The following WDR41 variants were observed in gnomAD, a reference collection of about 807,000 sequenced individuals.
The protein encoded by WDR41 is WD repeat-containing protein 41.
Under a neutral mutation model 69.3 loss-of-function variants are expected in WDR41, and 63 were observed. The ratio of observed to expected loss-of-function variants is 0.91; its 90% CI spans 0.74 to 1.12. The LOEUF (loss-of-function observed/expected upper bound fraction) is 1.12, where lower values mean the gene tolerates loss of function less well. Among genes scored for constraint, WDR41 ranks in the 50% most tolerant of loss-of-function variants. The probability of loss-of-function intolerance (pLI) is 0.00; values close to 1 mark genes in which losing one functional copy is unlikely to be tolerated. For missense variants in WDR41, 543 were observed against 534.5 expected, an observed-to-expected ratio of 1.02 and a Z score of -0.16; for synonymous variants, 185 against 192.1, an observed-to-expected ratio of 0.96 and a Z score of 0.31.
intron 1 of WDR41, among the ~76,000 whole-genome samples, chr5:77,551,273 T>C (rs1265891487): frequency 6.6e-6 from 1 of 152,206 alleles, no homozygotes; most frequent in Non-Finnish European, 1.5e-5. Flanking sequence ...GTCCTAAGGA[T>C]TTTGTATGTT....
At chr5:77,433,550 C>CATA (rs1798811345) in intron 12 of WDR41, among the ~76,000 whole-genome samples, 1 of 152,092 alleles carries the variant, frequency 6.6e-6, no homozygotes, top group Non-Finnish European at 1.5e-5. Context: ...CAGATTTTTT[C>CATA]ATCATCTGAT....
intron 1 of WDR41, among the ~76,000 whole-genome samples, chr5:77,531,546 G>A (rs1802528979): frequency 6.6e-6 from 1 of 151,836 alleles, no homozygotes; most frequent in Non-Finnish European, 1.5e-5. Flanking sequence ...TTGTACATTG[G>A]TAGTGGGAAT....
intron 1 of WDR41, among the ~76,000 whole-genome samples, chr5:77,565,164 G>C (rs1013023383): frequency 6.6e-6 from 1 of 152,060 alleles, no homozygotes; most frequent in Non-Finnish European, 1.5e-5. Context: ...AGAAGACTTG[G>C]GGGATAAAGC....
chr5:77,557,571 G>T (rs7726382), intron 1 of WDR41, among the ~76,000 whole-genome samples: 15,747 of 152,096 alleles, frequency 0.1, 1,702 homozygotes, highest in East Asian at 0.25. Context: ...AAATGTTAGC[G>T]TGAGCCACTA....
chr5:77,539,333 A>C (rs1290383948), intron 1 of WDR41, among the ~76,000 whole-genome samples: 3 of 152,186 alleles, frequency 2.0e-5, no homozygotes, highest in Non-Finnish European at 4.4e-5. Context: ...TTCCCTAATC[A>C]AGTTAATCTG....
rs550088120 is a variant in WDR41, at chr5:77,558,305, G to T, written c.42+62174C>A. ...TTTAGTGTCTTATGAGCTTTTCCTT[G>T]TGCATGAGTAAAAATCTAAGAAAAA... On this transcript the variant is annotated intron_variant, in intron 1 of 5. Coordinates refer to the WDR41 transcript ENST00000509971. Among the ~76,000 whole-genome samples, 4 of 152,054 alleles carry T rather than the reference G, an allele frequency of 2.6e-5. No homozygotes were observed. In the South Asian group the frequency reaches 8.3e-4, roughly 32 times the overall value.
At chr5:77,471,953 G>A (rs144095089) in intron 2 of WDR41, among the ~76,000 whole-genome samples, 2,460 of 152,164 alleles carry the variant, frequency 0.016, 33 homozygotes, top group Middle Eastern at 0.054. Flanking sequence ...TACCAAAGCC[G>A]GGCAGAGACA....
chr5:77,572,183 G>A (rs1242434182), intron 1 of WDR41, among the ~76,000 whole-genome samples: 17 of 152,180 alleles, frequency 1.1e-4, no homozygotes, highest in Non-Finnish European at 4.4e-5. Context: ...TGCTTGTACA[G>A]CACTTTGGAA....
chr5:77,566,839 G>A (rs1482943891), intron 1 of WDR41, among the ~76,000 whole-genome samples: 3 of 152,230 alleles, frequency 2.0e-5, no homozygotes, highest in East Asian at 3.9e-4. Context: ...CTGGGCCTGG[G>A]GGTCTGGTTT....
intron 12 of WDR41, among the ~76,000 whole-genome samples, chr5:77,434,643 TAC>T (rs547871333): frequency 3.3e-5 from 5 of 149,532 alleles, no homozygotes; most frequent in Admixed American, 2.0e-4. Flanking sequence ...AGGCGGAGAG[TAC>T]AGTGACCCAA....
Position 77,437,312 on chromosome 5 carries a change from AC to A in WDR41, c.1093+23del, listed in dbSNP as rs769785853. 4.4e-6 allele frequency: 7 copies of A among 1,598,142 alleles called. No individual in the cohort carries two copies. The South Asian group carries it at 7.7e-5, about 18-fold the overall frequency. ...TGAGAAAAAAGGAGAGAAAAAGACT[AC>A]CTTTTTGAGAGAAGACACACACCTG... On this transcript the variant is annotated intron_variant, in intron 11 of 12. Coordinates refer to ENST00000296679, the MANE Select transcript of WDR41 (RefSeq NM_018268.4).
At chr5:77,469,113 C>A (rs947273631) in intron 2 of WDR41, among the ~76,000 whole-genome samples, 1 of 152,066 alleles carries the variant, frequency 6.6e-6, no homozygotes, top group East Asian at 1.9e-4. Flanking sequence ...AAACTGGAAA[C>A]CATCATTCTC....
intron 2 of WDR41, among the ~76,000 whole-genome samples, chr5:77,479,911 C>T (rs1238661150): frequency 5.5e-4 from 83 of 151,734 alleles, no homozygotes; most frequent in African/African-American, 1.7e-3. Flanking sequence ...AGAAAATTTT[C>T]GCAACCTACT....
chr5:77,454,037 A>G, intron 5 of WDR41, 109 bp from the exon 6 acceptor site: 2 of 783,290 alleles, frequency 2.6e-6, no homozygotes, highest in South Asian at 1.6e-5. Context: ...CACTAGGTGG[A>G]GCTTATTTCT....
At chr5:77,444,874 TAG>T (rs1799315904) in intron 8 of WDR41, among the ~76,000 whole-genome samples, 2 of 152,172 alleles carry the variant, frequency 1.3e-5, no homozygotes, top group Non-Finnish European at 2.9e-5. Context: ...TTTATAGTCA[TAG>T]AGTTTATAAA....
chr5:77,558,506 T>G (rs1462368985), intron 1 of WDR41, among the ~76,000 whole-genome samples: 1 of 152,180 alleles, frequency 6.6e-6, no homozygotes, highest in Non-Finnish European at 1.5e-5. Context: ...GGGCCCTACT[T>G]ATTTTTACAT....
At position 77,609,111 on chromosome 5, in the gene WDR41, C is replaced by T. The variant is rs190836867; in HGVS notation, c.42+11368G>A. 8.9e-3 allele frequency among the ~76,000 whole-genome samples: 1,360 copies of T among 152,260 alleles called. 17 individuals carry two copies. Among genetic ancestry groups the T allele is most frequent in the African/African-American group, 0.032 (1,320 of 41,548 alleles). ...GCAGCGAGGCTGGGGGAGGGGCACC[C>T]GACATTGCCCAGGCTTGCTTAGGTA... On this transcript the variant is annotated intron_variant, in intron 1 of 5. Transcript: ENST00000509971.
intron 11 of WDR41, 32 bp downstream of exon 11, chr5:77,437,304 A>G: frequency 6.3e-7 from 1 of 1,590,896 alleles, no homozygotes; most frequent in South Asian, 1.1e-5. Flanking sequence ...AAAGGAGAGA[A>G]AAAGACTACC....
At chr5:77,563,166 A>G (rs1743556017) in intron 1 of WDR41, among the ~76,000 whole-genome samples, 1 of 152,204 alleles carries the variant, frequency 6.6e-6, no homozygotes, top group Non-Finnish European at 1.5e-5. Flanking sequence ...GAAATTTTAA[A>G]GTTATGAGTA....
Sources: allele counts gnomAD v4.1 joint callset (sites outside exome capture counted in the v4.1 genomes callset), GRCh38; gene constraint gnomAD v4.1.1; transcripts MANE v1.5; gene names NCBI Gene and HGNC (gene_info 2026-07-23, HGNC 2026-07-21).